The following MAU2 variants were observed in gnomAD, a reference collection of about 807,000 sequenced individuals.
The protein encoded by MAU2 is MAU2 chromatid cohesion factor homolog.
A neutral mutation model predicts 89.1 loss-of-function variants in MAU2; 9 were observed. That is an observed-to-expected ratio of 0.10 (90% CI 0.06 to 0.18). The LOEUF (loss-of-function observed/expected upper bound fraction) is 0.18, where lower values mean the gene tolerates loss of function less well. Among genes scored for constraint, MAU2 ranks in the 10% least tolerant of loss-of-function variants. MAU2 has a pLI of 1.00. For synonymous variants in MAU2, 357 were observed against 343.4 expected (o/e 1.04, Z -0.44); for missense variants, 425 against 803.5 (o/e 0.53, Z 5.69).
chr19:19,336,215 C>T, intron 3 of MAU2, 28 bp downstream of exon 3: 2 of 1,521,186 alleles, frequency 1.3e-6, no homozygotes, highest in African/African-American at 2.7e-5. Flanking sequence ...TTTCTGAAAG[C>T]AAAGTGTCTC....
chr19:19,343,059 CG>C (rs1479887551), intron 9 of MAU2, among the ~76,000 whole-genome samples, 193 bp downstream of exon 9: 1 of 152,140 alleles, frequency 6.6e-6, no homozygotes, highest in Non-Finnish European at 1.5e-5. Flanking sequence ...GGCCTGGGGT[CG>C]GGGGTACCTC....
Position 19,346,409 on chromosome 19 carries a change from C to T in MAU2, c.1222-871C>T, listed in dbSNP as rs953331045. The stretch of plus-strand genomic sequence containing the variant: ...CATGTACCCTAAGGAGTCCTCACCC[C>T]GAGGCCAAAAGAGAGCCTCTTTTTC... On this transcript the variant is annotated intron_variant, in intron 12 of 18. Coordinates refer to ENST00000262815, the MANE Select transcript of MAU2 (RefSeq NM_015329.4). Among the ~76,000 whole-genome samples, 8 of 152,266 alleles carry T rather than the reference C, an allele frequency of 5.3e-5. No individual in the cohort carries two copies. The East Asian group carries it at 5.8e-4, about 11-fold the overall frequency.
intron 16 of MAU2, among the ~76,000 whole-genome samples, chr19:19,349,922 C>A (rs969938637): frequency 1.3e-5 from 2 of 151,868 alleles, no homozygotes; most frequent in Non-Finnish European, 2.9e-5. Context: ...CCGCCTCAGT[C>A]CTTCCTGTCA....
In MAU2 at chr19:19,326,706, A is replaced by ATATATACACATATATATATGTG. The variant is rs2061508744; in HGVS notation, c.276+5577_276+5578insCACATATATATATGTGTATATA. Among the ~76,000 whole-genome samples the ATATATACACATATATATATGTG allele has an allele frequency of 3.4e-5, 3 of 87,012 alleles. No homozygotes were observed. In the Admixed American group the frequency reaches 4.0e-4, roughly 12 times the overall value. 57.1% of individuals were successfully genotyped at this position (87,012 alleles called of 152,430 possible). On this transcript the variant is annotated intron_variant, in intron 1 of 18. Coordinates refer to ENST00000262815, the MANE Select transcript of MAU2 (RefSeq NM_015329.4). The stretch of plus-strand genomic sequence containing the variant: ...CTCAAAAAAAAATATATATATGTAT[A>ATATATACACATATATATATGTG]TATATATATATATACATATATATAT...
chr19:19,337,312 C>T (rs749857643), intron 4 of MAU2, 47 bp downstream of exon 4: 1 of 1,464,966 alleles, frequency 6.8e-7, no homozygotes, highest in Non-Finnish European at 9.5e-7. Flanking sequence ...GGGACCATGA[C>T]CCTGGGGCAC....
chr19:19,337,541 C>T (rs572773326), intron 4 of MAU2, among the ~76,000 whole-genome samples: 10 of 152,370 alleles, frequency 6.6e-5, no homozygotes, highest in Admixed American at 3.9e-4. Flanking sequence ...ACACTGACAG[C>T]GGGCCTGCTG....
intron 16 of MAU2, among the ~76,000 whole-genome samples, chr19:19,351,096 G>A (rs773753101): frequency 4.6e-5 from 7 of 151,936 alleles, no homozygotes; most frequent in East Asian, 3.9e-4. Context: ...AAGTTGGAGC[G>A]CAGTGGCATG....
intron 12 of MAU2, among the ~76,000 whole-genome samples, chr19:19,346,142 C>A (rs113744145): frequency 6.6e-5 from 10 of 152,248 alleles, no homozygotes; most frequent in Non-Finnish European, 2.9e-5. Context: ...CTGCCACCCC[C>A]GCCACTGGCC....
chr19:19,328,285 T>C (rs1030505030), intron 1 of MAU2, among the ~76,000 whole-genome samples: 1 of 152,024 alleles, frequency 6.6e-6, no homozygotes, highest in East Asian at 1.9e-4. Flanking sequence ...TAAGTTTTCA[T>C]TCTTCTCCTC....
In MAU2 at chr19:19,336,133, C is replaced by G; in HGVS notation, c.306C>G (p.Phe102Leu). Residue 102 changes from phenylalanine (F) to leucine (L), a missense_variant, in exon 3 of 19, where the codon TTC becomes TTG. Physicochemically the swap from Phe to Leu is conservative, Grantham distance 22. Around this residue, in one of 11 missense-constraint regions of MAU2, gnomAD observed 119 missense variants for 299.8 expected, o/e 0.40. Transcript: ENST00000262815. ...AWLISQQIPQFEDVKFEAASL... is the reference protein window; with the variant it reads ...AWLISQQIPQLEDVKFEAASL... ...CTGGACGTCACTAGATCCCGCAGTTCGAAGATGTTAAATTTGAAGCAGCAA... is the reference window on the plus strand; with the variant it reads ...CTGGACGTCACTAGATCCCGCAGTTGGAAGATGTTAAATTTGAAGCAGCAA... 1 of 1,612,818 alleles carries G rather than the reference C, an allele frequency of 6.2e-7. No homozygotes were observed. The highest frequency in any genetic ancestry group is 8.5e-7 in the Non-Finnish European group (1 of 1,179,078).
chr19:19,336,094 C>T, intron 2 of MAU2, 28 bp from the exon 3 acceptor site: 1 of 1,579,208 alleles, frequency 6.3e-7, no homozygotes, highest in Non-Finnish European at 8.7e-7. Flanking sequence ...TTCGCAGTGT[C>T]TGTACTTCCT....
chr19:19,333,300 C>T (rs182063591), intron 1 of MAU2, among the ~76,000 whole-genome samples: 25 of 152,160 alleles, frequency 1.6e-4, no homozygotes, highest in African/African-American at 5.1e-4. Flanking sequence ...GTCTGGGCGG[C>T]GTAGCCAGAC....
chr19:19,335,769 G>A, intron 2 of MAU2, 34 bp downstream of exon 2: 2 of 1,609,312 alleles, frequency 1.2e-6, no homozygotes, highest in Non-Finnish European at 1.7e-6. Flanking sequence ...TTCCCTTTAA[G>A]GAATTCTCCA....
In MAU2 at chr19:19,341,369, C is replaced by T; in HGVS notation, c.697C>T (p.Leu233=). The change falls in exon 7 of 19, where the codon CTG becomes TTG. Residue 233 remains leucine, a synonymous_variant. Transcript: ENST00000262815. The part of the protein sequence containing the change: ...IQKESLRVFF[L]VLQVTHYLDA... ...GAAGGAGTCGCTGCGTGTCTTCTTCCTGGTGCTCCAGGTCACCCACTATCT... is the reference window on the plus strand; with the variant it reads ...GAAGGAGTCGCTGCGTGTCTTCTTCTTGGTGCTCCAGGTCACCCACTATCT... 1 of 1,614,014 alleles carries T rather than the reference C, an allele frequency of 6.2e-7. No homozygotes were observed. Among genetic ancestry groups the T allele is most frequent in the Middle Eastern group, 1.7e-4 (1 of 6,032 alleles).
intron 12 of MAU2, chr19:19,346,872 C>T (rs2061697399): frequency 6.0e-6 from 1 of 166,260 alleles, no homozygotes; most frequent in Non-Finnish European, 1.3e-5. Flanking sequence ...CCCACTTCCC[C>T]CTATGAAGAG....
chr19:19,334,878 G>A (rs2106698), intron 1 of MAU2, among the ~76,000 whole-genome samples: 1 of 152,226 alleles, frequency 6.6e-6, no homozygotes, highest in South Asian at 2.1e-4. Flanking sequence ...CGATGAGTTA[G>A]GGTCTCCTGC....
intron 1 of MAU2, among the ~76,000 whole-genome samples, chr19:19,331,357 C>T (rs2061553784): frequency 6.6e-6 from 1 of 151,916 alleles, no homozygotes; most frequent in East Asian, 1.9e-4. Context: ...GAAAAATTAG[C>T]CAGGCGTGGT....
intron 16 of MAU2, 190 bp from the exon 17 acceptor site, chr19:19,354,165 G>A (rs924584578): frequency 8.2e-6 from 5 of 612,448 alleles, no homozygotes; most frequent in South Asian, 1.8e-5. Flanking sequence ...TTGTTTTTCA[G>A]TGATACTTCA....
chr19:19,338,747 TGG>T, intron 4 of MAU2, 96 bp from the exon 5 acceptor site: 1 of 785,612 alleles, frequency 1.3e-6, no homozygotes, highest in African/African-American at 1.7e-5. Context: ...TTCACTGACG[TGG>T]GGAGGTTTGG....
Sources: gnomAD v4.1 joint callset for allele counts (sites outside exome capture counted in the v4.1 genomes callset) on GRCh38, gnomAD v4.1.1 for gene constraint, gnomAD v4.1.1 regional missense constraint, MANE v1.5 for transcripts, NCBI Gene and HGNC (gene_info 2026-07-23, HGNC 2026-07-21) for gene names.